The following SEZ6L variants were observed in gnomAD, a reference collection of about 807,000 sequenced individuals.
SEZ6L encodes the protein seizure related 6 homolog like.
Under a neutral mutation model 106.2 loss-of-function variants are expected in SEZ6L, and 37 were observed. That is an observed-to-expected ratio of 0.35 (90% CI 0.27 to 0.46). SEZ6L has a LOEUF of 0.46. Among genes scored for constraint, SEZ6L ranks in the 20% least tolerant of loss-of-function variants. SEZ6L has a pLI of 1.00. For missense variants in SEZ6L, 1,172 were observed against 1,332.8 expected (o/e 0.88, Z 1.88); for synonymous variants, 541 against 570.4 (o/e 0.95, Z 0.73).
chr22:26,360,959 T>C (rs2083599602), intron 12 of SEZ6L, among the ~76,000 whole-genome samples: 1 of 151,850 alleles, frequency 6.6e-6, no homozygotes, highest in Admixed American at 6.6e-5. Flanking sequence ...GTTCAAAAGC[T>C]ATAAAGTGTT....
intron 3 of SEZ6L, among the ~76,000 whole-genome samples, chr22:26,294,721 AACAC>A (rs56000206): frequency 0.028 from 4,188 of 148,064 alleles, 76 homozygotes; most frequent in East Asian, 0.082. Context: ...CACGTGCATA[AACAC>A]ACACACACAC....
At chr22:26,315,235 T>G (rs1001911432) in intron 9 of SEZ6L, among the ~76,000 whole-genome samples, 1 of 152,222 alleles carries the variant, frequency 6.6e-6, no homozygotes, top group South Asian at 2.1e-4. Flanking sequence ...ACCCCAACAC[T>G]TCGGGAGGTT....
At chr22:26,276,226 AC>A (rs1177663387) in intron 1 of SEZ6L, among the ~76,000 whole-genome samples, 2 of 152,200 alleles carry the variant, frequency 1.3e-5, no homozygotes, top group African/African-American at 4.8e-5. Context: ...CCCTTGCTTT[AC>A]CCCAGTGTTT....
intron 1 of SEZ6L, among the ~76,000 whole-genome samples, chr22:26,210,412 A>G (rs2078124054): frequency 6.6e-6 from 1 of 152,234 alleles, no homozygotes; most frequent in South Asian, 2.1e-4. Flanking sequence ...AGGACAGAAC[A>G]TTAGGTTTTT....
At chr22:26,226,657 C>T (rs559303548) in intron 1 of SEZ6L, among the ~76,000 whole-genome samples, 1 of 152,268 alleles carries the variant, frequency 6.6e-6, no homozygotes, top group Non-Finnish European at 1.5e-5. Context: ...GTTTACTGAA[C>T]ACCCAACCCC....
intron 5 of SEZ6L, among the ~76,000 whole-genome samples, chr22:26,302,291 G>A (rs962118410): frequency 1.3e-5 from 2 of 152,134 alleles, no homozygotes; most frequent in Non-Finnish European, 2.9e-5. Context: ...ACTTTAACAT[G>A]GCCCTTGGGT....
chr22:26,367,500 C>A (rs2083859538), intron 13 of SEZ6L, among the ~76,000 whole-genome samples: 1 of 152,096 alleles, frequency 6.6e-6, no homozygotes, highest in East Asian at 1.9e-4. Flanking sequence ...CACGCCACCA[C>A]GCCCAGCTAA....
At chr22:26,323,031 G>A (rs1216012628) in intron 9 of SEZ6L, among the ~76,000 whole-genome samples, 1 of 152,184 alleles carries the variant, frequency 6.6e-6, no homozygotes, top group Non-Finnish European at 1.5e-5. Context: ...GATCCGAGAG[G>A]GGCCCCAAGT....
intron 1 of SEZ6L, among the ~76,000 whole-genome samples, chr22:26,251,667 G>A (rs2079593071): frequency 6.6e-6 from 1 of 152,220 alleles, no homozygotes; most frequent in Non-Finnish European, 1.5e-5. Flanking sequence ...AGGCAGCAAA[G>A]TGCCTGCACA....
intron 1 of SEZ6L, among the ~76,000 whole-genome samples, chr22:26,204,455 A>G (rs773331436): frequency 6.6e-6 from 1 of 152,234 alleles, no homozygotes; most frequent in Non-Finnish European, 1.5e-5. Context: ...TATGAAACAG[A>G]TATTACAAAT....
intron 1 of SEZ6L, among the ~76,000 whole-genome samples, chr22:26,273,462 G>T (rs140853664): frequency 6.6e-6 from 1 of 152,368 alleles, no homozygotes; most frequent in Admixed American, 6.5e-5. Context: ...GGCTCTGTGC[G>T]CCGCCTCGGC....
At chr22:26,297,131 T>C in intron 4 of SEZ6L, 51 bp downstream of exon 4, 2 of 1,451,566 alleles carry the variant, frequency 1.4e-6, no homozygotes, top group Non-Finnish European at 1.8e-6. Context: ...TCAGTTTCCC[T>C]CTGGAGAAAA....
intron 3 of SEZ6L, among the ~76,000 whole-genome samples, chr22:26,295,612 T>C (rs2081278298): frequency 6.6e-6 from 1 of 152,128 alleles, no homozygotes; most frequent in Admixed American, 6.5e-5. Context: ...TCCAGATTAT[T>C]ATAGTGCTTA....
intron 1 of SEZ6L, among the ~76,000 whole-genome samples, chr22:26,259,802 C>T (rs910017550): frequency 6.6e-6 from 1 of 152,186 alleles, no homozygotes; most frequent in Non-Finnish European, 1.5e-5. Flanking sequence ...ATATCTATCA[C>T]ATCTCCCACA....
At chr22:26,356,327 G>C (rs764251295) in intron 12 of SEZ6L, among the ~76,000 whole-genome samples, 1 of 152,040 alleles carries the variant, frequency 6.6e-6, no homozygotes, top group Non-Finnish European at 1.5e-5. Context: ...AAAGAAAAAC[G>C]GTTTTTTTTA....
Position 26,297,046 on chromosome 22 carries a change from C to G in SEZ6L, c.1128C>G (p.Asp376Glu), listed in dbSNP as rs371203903. ...TISVYFRTFQ[D>E]DGLGTFQLHY... ...CCGTCTACTTCCGGACCTTCCAGGA[C>G]GACGGCCTTGGGACCTTCCAGCTTC... Residue 376 changes from aspartate (D) to glutamate (E), a missense_variant, in exon 4 of 17, where the codon GAC becomes GAG. Transcript: ENST00000248933. 1 of 1,613,634 alleles carries G rather than the reference C, an allele frequency of 6.2e-7. No homozygotes were observed. The highest frequency in any genetic ancestry group is 1.3e-5 in the African/African-American group (1 of 74,916).
chr22:26,172,292 G>C (rs1008682383), intron 1 of SEZ6L, among the ~76,000 whole-genome samples: 2 of 152,100 alleles, frequency 1.3e-5, no homozygotes, highest in Non-Finnish European at 2.9e-5. Flanking sequence ...TTATGGATTG[G>C]CATTATTTTC....
At chr22:26,375,955 A>G (rs1001983403) in intron 15 of SEZ6L, among the ~76,000 whole-genome samples, 2 of 152,248 alleles carry the variant, frequency 1.3e-5, no homozygotes, top group African/African-American at 2.4e-5. Context: ...CAGACATAAC[A>G]TATTGCCAGG....
chr22:26,305,992 G>T lies in SEZ6L; in HGVS notation c.1362G>T (p.Gly454=). 1 of 1,613,544 alleles carries T rather than the reference G, an allele frequency of 6.2e-7. No individual in the cohort carries two copies. The highest frequency in any genetic ancestry group is 8.5e-7 in the Non-Finnish European group (1 of 1,179,756). Residue 454 remains glycine (G), a synonymous_variant, in exon 6 of 17, where the codon GGG becomes GGT. Transcript: ENST00000248933. ...QEPICSAPCG[G]AVHNATIGRV... ...TTTCTGGATCAGCTCCTTGTGGAGGGGCAGTGCACAATGCCACCATCGGCC... is the reference window on the plus strand; with the variant it reads ...TTTCTGGATCAGCTCCTTGTGGAGGTGCAGTGCACAATGCCACCATCGGCC...
Sources: allele counts gnomAD v4.1 joint callset (sites outside exome capture counted in the v4.1 genomes callset), GRCh38; gene constraint gnomAD v4.1.1; transcripts MANE v1.5; gene names NCBI Gene and HGNC (gene_info 2026-07-23, HGNC 2026-07-21).